VGF: variants seen among roughly 807,000 people sequenced by gnomAD.
VGF encodes neurosecretory protein VGF.
A neutral mutation model predicts 41.1 loss-of-function variants in VGF; 13 were observed. That is an observed-to-expected ratio of 0.32 (90% CI 0.21 to 0.50). VGF has a LOEUF of 0.50. Among genes scored for constraint, VGF ranks in the 20% least tolerant of loss-of-function variants. VGF has a pLI of 0.98. For synonymous variants in VGF, 473 were observed against 418.3 expected (o/e 1.13, Z -1.60); for missense variants, 920 against 882.1 (o/e 1.04, Z -0.54).
chr7:101,167,401 G>T (rs1007030624), upstream of VGF, among the ~76,000 whole-genome samples: 1 of 152,010 alleles, frequency 6.6e-6, no homozygotes, highest in Admixed American at 6.6e-5. The surrounding 1 kb of genome is among the most constrained non-coding windows in gnomAD (Gnocchi z 4.2). Context: ...GAAAAGAGGG[G>T]GTAGGAGACC....
chr7:101,164,795 T>TCAG lies in VGF; in HGVS notation c.46_48dup (p.Leu16dup). Reference sequence around the variant, plus strand: ...GGGGGTGCTGCCCCTAACCCGTTGATCAGCAGAAGGCAGAAGAGGGCGGAA... The same window carrying TCAG: ...GGGGGTGCTGCCCCTAACCCGTTGATCAGCAGCAGAAGGCAGAAGAGGGCGGAA... On this transcript the variant is annotated inframe_insertion, in exon 2 of 2. Transcript: ENST00000249330. 1 of 1,597,762 alleles carries TCAG rather than the reference T, an allele frequency of 6.3e-7. No homozygotes were observed.
In VGF at chr7:101,164,606, G is replaced by A. The variant is rs769309467; in HGVS notation, c.238C>T (p.Arg80Trp). The change falls in exon 2 of 2, where the codon CGG (arginine) becomes TGG (tryptophan). Residue 80 changes from arginine to tryptophan, a missense_variant. Arg to Trp is a moderately radical substitution (Grantham distance 101). Transcript: ENST00000249330. ...EGELFQGVDP[R>W]ALAAVLLQAL... is the part of the protein sequence containing the mutation. ...TGCAGCAGCACCGCGGCCAGCGCCC[G>A]GGGATCCACGCCCTGGAAAAGCTCT... is the stretch of plus-strand genomic sequence containing the variant. 1 of 1,598,752 alleles carries A rather than the reference G, an allele frequency of 6.3e-7. No homozygotes were observed. Among genetic ancestry groups the A allele is most frequent in the East Asian group, 2.3e-5 (1 of 44,312 alleles).
At chr7:101,166,895 A>C (rs1278912783), upstream of VGF, among the ~76,000 whole-genome samples, 3 of 131,526 alleles carry the variant, frequency 2.3e-5, no homozygotes, top group African/African-American at 8.9e-5. Flanking sequence ...CGGTGCTGGC[A>C]GAGAGCGGTG....
chr7:101,163,611 C>T lies in VGF; in HGVS notation c.1233G>A (p.Gly411=), dbSNP rs761900776. 1.2e-4 allele frequency: 185 copies of T among 1,553,120 alleles called. No individual in the cohort carries two copies. Among genetic ancestry groups the T allele is most frequent in the Non-Finnish European group, 1.5e-4 (173 of 1,151,212 alleles). The change falls in exon 2 of 2, where the codon GGG becomes GGA. Residue 411 remains glycine (G), a synonymous_variant. Coordinates refer to ENST00000249330, the MANE Select transcript of VGF (RefSeq NM_003378.4). This position sits in a 1 kb window ranked among gnomAD's most constrained non-coding sequence, Gnocchi z 5.0. ...NALLFAEEED[G]EAGAEDKRSQ... ...AGCGCTTGTCCTCGGCGCCGGCTTC[C>T]CCGTCCTCCTCCTCCGCGAACAGGA...
In VGF at chr7:101,163,836, C is replaced by T; in HGVS notation, c.1008G>A (p.Leu336=). The part of the protein sequence containing the change: ...DLASDLLLQY[L]LQGGARQRGL... The stretch of plus-strand genomic sequence containing the variant: ...CGCGCTGCCGGGCCCCGCCCTGCAG[C>T]AAATACTGGAGCAGCAGGTCCGAGG... Residue 336 remains leucine, a synonymous_variant, in exon 2 of 2, where the codon TTG becomes TTA. Coordinates refer to ENST00000249330, the MANE Select transcript of VGF (RefSeq NM_003378.4). This position sits in a 1 kb window ranked among gnomAD's most constrained non-coding sequence, Gnocchi z 5.0. 6.5e-7 allele frequency: 1 copy of T among 1,529,142 alleles called. No homozygotes were observed. The highest frequency in any genetic ancestry group is 8.7e-7 in the Non-Finnish European group (1 of 1,143,914). 94.7% of individuals were successfully genotyped at this position (1,529,142 alleles called of 1,614,324 possible).
At position 101,163,235 on chromosome 7, in the gene VGF, C is replaced by G. The variant is rs1183149230; in HGVS notation, c.1609G>C (p.Val537Leu). Reference sequence around the variant, plus strand: ...GGGTGGTACGGCCCTGGCGGGTACACCTCGTCCTCCTCCCGATCCCAGGGC... The same window carrying G: ...GGGTGGTACGGCCCTGGCGGGTACAGCTCGTCCTCCTCCCGATCCCAGGGC... Reference protein sequence around the residue: ...LPPWDREEDEVYPPGPYHPFP... With the variant: ...LPPWDREEDELYPPGPYHPFP... The change falls in exon 2 of 2, where the codon GTG (valine) becomes CTG (leucine). Residue 537 changes from valine (V) to leucine (L), a missense_variant. Val to Leu is a conservative substitution (Grantham distance 32). Transcript: ENST00000249330. This position sits in a 1 kb window ranked among gnomAD's most constrained non-coding sequence, Gnocchi z 5.0. 4 of 1,530,458 alleles carry G rather than the reference C, an allele frequency of 2.6e-6. No individual in the cohort carries two copies. Among genetic ancestry groups the G allele is most frequent in the South Asian group, 2.6e-5 (2 of 78,178 alleles). 94.8% of individuals were successfully genotyped at this position (1,530,458 alleles called of 1,614,324 possible). A position where few individuals can be genotyped will look rare whatever the true frequency, so the allele number is the denominator to read the frequency against.
chr7:101,164,888 A>C (rs560484256), intron 1 of VGF, 25 bp from the exon 2 acceptor site: 1 of 1,507,708 alleles, frequency 6.6e-7, no homozygotes. Flanking sequence ...GGACCAAAAA[A>C]AGAGGATTTC....
rs1797167839 is a variant in VGF, at chr7:101,163,980, G to C, written c.864C>G (p.Gly288=). Residue 288 remains glycine (G), a synonymous_variant, in exon 2 of 2, where the codon GGC becomes GGG. Transcript: ENST00000249330. The surrounding 1 kb of genome is among the most constrained non-coding windows in gnomAD (Gnocchi z 5.0). ...GAAGGCGCTCGCCCGCCTCGGAGCC[G>C]CCCAGGAGTGCGCTCTCCGGCCGGC... ...KARRPESALL[G]GSEAGERLLQ... 1.4e-6 allele frequency: 2 copies of C among 1,472,950 alleles called. No individual in the cohort carries two copies. Among genetic ancestry groups the C allele is most frequent in the Non-Finnish European group, 8.9e-7 (1 of 1,127,218 alleles). The allele number at this position is 1,472,950 out of a possible 1,614,324, so 91.2% of individuals were successfully genotyped here. A position where few individuals can be genotyped will look rare whatever the true frequency, so the allele number is the denominator to read the frequency against.
chr7:101,162,941 G>C lies in VGF; in HGVS notation c.*55C>G, dbSNP rs1455691595. On this transcript the variant is annotated 3_prime_UTR_variant, in exon 2 of 2. Coordinates refer to ENST00000249330, the MANE Select transcript of VGF (RefSeq NM_003378.4). The surrounding 1 kb of genome is among the most constrained non-coding windows in gnomAD (Gnocchi z 4.2). ...AGGGGGAGCGGGCAACACGGAGGGG[G>C]GCGCCGGCGCGCGCGCGCGGCGGGG... is the stretch of plus-strand genomic sequence containing the variant. 5 of 879,430 alleles carry C rather than the reference G, an allele frequency of 5.7e-6. No homozygotes were observed. Among genetic ancestry groups the C allele is most frequent in the Middle Eastern group, 7.4e-4 (2 of 2,714 alleles). The allele number at this position is 879,430 out of a possible 1,614,324, so 54.5% of individuals were successfully genotyped here.
chr7:101,165,583 G>A (rs1392415271), upstream of VGF: 2 of 985,420 alleles, frequency 2.0e-6, no homozygotes, highest in South Asian at 4.7e-5. Flanking sequence ...CAGCGCCCGC[G>A]CCTCCACCGC....
chr7:101,164,290 G>A lies in VGF; in HGVS notation c.554C>T (p.Thr185Met), dbSNP rs1404956087. Residue 185 changes from threonine to methionine, a missense_variant, in exon 2 of 2, where the codon ACG becomes ATG. Coordinates refer to ENST00000249330, the MANE Select transcript of VGF (RefSeq NM_003378.4). ...GGTCAGCGTGTGCGTGCGGGTTTCC[G>A]TCTCTGCTGCCGCCGTCTCCTGCTG... ...KRQQETAAAE[T>M]ETRTHTLTRV... The A allele has an allele frequency of 2.5e-6, 4 of 1,607,774 alleles. No individual in the cohort carries two copies. The highest frequency in any genetic ancestry group is 3.3e-5 in the Admixed American group (2 of 60,000).
chr7:101,163,790 G>A lies in VGF; in HGVS notation c.1054C>T (p.Gln352Ter). Residue 352 changes from glutamine to a stop codon, truncating the protein, a stop_gained, in exon 2 of 2, where the codon CAG becomes TAG. Transcript: ENST00000249330. LOFTEE classifies it high-confidence loss of function. The surrounding 1 kb of genome is among the most constrained non-coding windows in gnomAD (Gnocchi z 5.0). ...RQRGLGGRGL[Q>*]EAAEERESAR... ...CTCTCTCGCTCCTCCGCCGCCTCCT[G>A]CAGCCCCCGACCCCCGAGGCCGCGC... The A allele has an allele frequency of 6.5e-7, 1 of 1,532,506 alleles. No individual in the cohort carries two copies. The highest frequency in any genetic ancestry group is 1.4e-5 in the African/African-American group (1 of 73,080). The allele number at this position is 1,532,506 out of a possible 1,614,324, so 94.9% of individuals were successfully genotyped here. A position where few individuals can be genotyped will look rare whatever the true frequency, so the allele number is the denominator to read the frequency against.
rs552158464 is a variant in VGF, at chr7:101,163,126, G to T, written c.1718C>A (p.Ser573Ter). The change falls in exon 2 of 2, where the codon TCG becomes TAG. Residue 573 changes from serine to a stop codon, truncating the protein, a stop_gained. Coordinates refer to ENST00000249330, the MANE Select transcript of VGF (RefSeq NM_003378.4). LOFTEE classifies it high-confidence loss of function. This position sits in a 1 kb window ranked among gnomAD's most constrained non-coding sequence, Gnocchi z 5.0. ...RRHYHHALPP[S>*]RHYPGREAQA... ...GGCCTCCCGGCCGGGATAGTGGCGC[G>T]AAGGCGGCAAGGCGTGGTGGTAGTG... The T allele has an allele frequency of 6.3e-7, 1 of 1,584,542 alleles. No homozygotes were observed. The highest frequency in any genetic ancestry group is 1.4e-5 in the African/African-American group (1 of 71,272).
chr7:101,169,870 G>T (rs1035815444), upstream of VGF, among the ~76,000 whole-genome samples: 1 of 152,216 alleles, frequency 6.6e-6, no homozygotes, highest in African/African-American at 2.4e-5. Context: ...GTACAGAAAC[G>T]CAGACACACA....
chr7:101,164,825 A>G lies in VGF; in HGVS notation c.19T>C (p.Ser7Pro). Residue 7 changes from serine (S) to proline (P), a missense_variant, in exon 2 of 2, where the codon TCG becomes CCG. This residue lies in a region of VGF where 654 missense variants were observed against 638.4 expected (regional missense o/e 1.02). Coordinates refer to ENST00000249330, the MANE Select transcript of VGF (RefSeq NM_003378.4). MKALRL[S>P]ASALFCLLLI... ...AGAAGGCAGAAGAGGGCGGAAGCCGACAATCTGAGGGCTTTCATGACCAAG... is the reference window on the plus strand; with the variant it reads ...AGAAGGCAGAAGAGGGCGGAAGCCGGCAATCTGAGGGCTTTCATGACCAAG... 1.3e-6 allele frequency: 2 copies of G among 1,564,886 alleles called. No individual in the cohort carries two copies. The highest frequency in any genetic ancestry group is 8.7e-7 in the Non-Finnish European group (1 of 1,151,684).
chr7:101,164,926 G>T, intron 1 of VGF, 63 bp from the exon 2 acceptor site: 1 of 1,448,000 alleles, frequency 6.9e-7, no homozygotes, highest in Non-Finnish European at 9.1e-7. Flanking sequence ...CTAGGTCTAC[G>T]TTCCCTTCCC....
In VGF at chr7:101,164,439, C is replaced by A. The variant is rs535664776; in HGVS notation, c.405G>T (p.Ala135=). Residue 135 remains alanine (A), a synonymous_variant, in exon 2 of 2, where the codon GCG becomes GCT. Transcript: ENST00000249330. ...CCGGAGTCTGAGGGCGAGGCGGAGC[C>A]GCGGGCTCCGGGCTCTCCGGCGCCG... ...SLPAPESPEP[A]APPRPQTPEN... 1 of 1,605,588 alleles carries A rather than the reference C, an allele frequency of 6.2e-7. No homozygotes were observed. The highest frequency in any genetic ancestry group is 1.3e-5 in the African/African-American group (1 of 74,944).
chr7:101,163,444 T>A lies in VGF; in HGVS notation c.1400A>T (p.Asp467Val). 6.2e-7 allele frequency: 1 copy of A among 1,612,634 alleles called. No homozygotes were observed. Among genetic ancestry groups the A allele is most frequent in the Non-Finnish European group, 8.5e-7 (1 of 1,179,914 alleles). Residue 467 changes from aspartate (D) to valine (V), a missense_variant, in exon 2 of 2, where the codon GAC (aspartate) becomes GTC (valine). By Grantham distance (152) the Asp-to-Val change is radical. Around this residue, in one of 3 missense-constraint regions of VGF, gnomAD observed 257 missense variants for 217.2 expected, o/e 1.18. Transcript: ENST00000249330. This position sits in a 1 kb window ranked among gnomAD's most constrained non-coding sequence, Gnocchi z 5.0. ...CTCCTCGATGATGCTGACCACGTCGTCCGCTGGCAGGTGGAGTTTGGTGGA... is the reference window on the plus strand; with the variant it reads ...CTCCTCGATGATGCTGACCACGTCGACCGCTGGCAGGTGGAGTTTGGTGGA... ...ELSTKLHLPA[D>V]DVVSIIEEVE...
chr7:101,169,121 C>G (rs929278895), upstream of VGF, among the ~76,000 whole-genome samples: 2 of 151,920 alleles, frequency 1.3e-5, no homozygotes, highest in African/African-American at 2.4e-5. Flanking sequence ...GGGTGCCCAC[C>G]CTGATTTTTA....
Sources: allele counts gnomAD v4.1 joint callset (sites outside exome capture counted in the v4.1 genomes callset), GRCh38; gene constraint gnomAD v4.1.1; regional missense constraint gnomAD v4.1.1; non-coding constraint Gnocchi (gnomAD v3.1); transcripts MANE v1.5; gene names NCBI Gene and HGNC (gene_info 2026-07-23, HGNC 2026-07-21).